Variants in HPSE2 observed in about 807,000 individuals in gnomAD.
The protein encoded by HPSE2 is heparanase 2 (inactive).
In HPSE2, 38 loss-of-function variants were observed where a neutral mutation model predicts 60.5. That is an observed-to-expected ratio of 0.63 (90% CI 0.48 to 0.82). HPSE2 has a LOEUF of 0.82. Ranked by LOEUF, HPSE2 falls within the 40% of genes least tolerant of loss-of-function variation. The pLI is 0.00. For missense variants in HPSE2, 713 were observed against 740.4 expected, an observed-to-expected ratio of 0.96 and a Z score of 0.43; for synonymous variants, 295 against 293.2, an observed-to-expected ratio of 1.01 and a Z score of -0.06.
At chr10:99,168,604 T>C (rs1847178606) in intron 2 of HPSE2, among the ~76,000 whole-genome samples, 1 of 152,218 alleles carries the variant, frequency 6.6e-6, no homozygotes, top group South Asian at 2.1e-4. Context: ...TCTGGTAGGC[T>C]ATCTTTCTTA....
At chr10:99,264,754 AG>A in the HPSE2 span, among the ~76,000 whole-genome samples, 1 of 152,284 alleles carries the variant, frequency 6.6e-6, no homozygotes, top group South Asian at 2.1e-4. Flanking sequence ...AACTGCCTCC[AG>A]GTCATCACCA....
Position 98,459,300 on chromosome 10 carries a change from C to A in HPSE2, c.*274G>T, listed in dbSNP as rs1306418510. ...GTGCTGTCAGCTCGTTTTCATAGTG[C>A]ACATGAAGGGAAACATTCTGCTCTA... On this transcript the variant is annotated 3_prime_UTR_variant, in exon 12 of 12. Coordinates refer to ENST00000370552, the MANE Select transcript of HPSE2 (RefSeq NM_021828.5). 4.3e-6 allele frequency: 2 copies of A among 467,618 alleles called. No homozygotes were observed. Among genetic ancestry groups the A allele is most frequent in the Non-Finnish European group, 7.9e-6 (2 of 253,260 alleles). The allele number at this position is 467,618 out of a possible 1,614,324, so 29.0% of individuals were successfully genotyped here.
At chr10:98,550,437 G>T (rs1022214678) in intron 9 of HPSE2, among the ~76,000 whole-genome samples, 43 of 151,834 alleles carry the variant, frequency 2.8e-4, no homozygotes, top group Non-Finnish European at 1.2e-4. Context: ...GGGACTACAG[G>T]TGCAGGCCAC....
chr10:98,586,489 T>C (rs1944944561), intron 9 of HPSE2, among the ~76,000 whole-genome samples: 1 of 152,230 alleles, frequency 6.6e-6, no homozygotes, highest in South Asian at 2.1e-4. Context: ...AATTTAAGCA[T>C]ATAAATGGGA....
the HPSE2 span, among the ~76,000 whole-genome samples, chr10:99,287,934 A>T: frequency 9.5e-3 from 1,452 of 152,312 alleles, 10 homozygotes; most frequent in East Asian, 0.029. Context: ...GTTGTGGAAC[A>T]CTAGTCATTG....
intron 9 of HPSE2, among the ~76,000 whole-genome samples, chr10:98,555,374 C>T (rs1480309654): frequency 6.6e-6 from 1 of 152,198 alleles, no homozygotes; most frequent in Non-Finnish European, 1.5e-5. Context: ...CTCCGCTTTC[C>T]TGCAGAGCCC....
At chr10:99,145,225 G>C (rs1246419292) in intron 2 of HPSE2, among the ~76,000 whole-genome samples, 2 of 152,184 alleles carry the variant, frequency 1.3e-5, no homozygotes, top group South Asian at 4.1e-4. Context: ...GGGAGGCCAA[G>C]GCGGGCAGAT....
rs752865311 is a variant in HPSE2, at chr10:98,933,960, C to CTG, written c.611-189906_611-189905dup. ...TGTTAGCCAGGATGGTCTCAATCTC[C>CTG]TGACCTTGTGATCTGCCCACCTCGG... On this transcript the variant is annotated intron_variant, in intron 3 of 11. Transcript: ENST00000370552. Among the ~76,000 whole-genome samples the CTG allele has an allele frequency of 9.1e-5, 13 of 143,146 alleles. 1 individual carries two copies. The highest frequency in any genetic ancestry group is 1.9e-4 in the Non-Finnish European group (13 of 67,004). 93.9% of individuals were successfully genotyped at this position (143,146 alleles called of 152,430 possible).
At chr10:99,144,015 T>C (rs558153997) in intron 3 of HPSE2, among the ~76,000 whole-genome samples, 3 of 152,364 alleles carry the variant, frequency 2.0e-5, no homozygotes, top group South Asian at 2.1e-4. Context: ...AAGGCTTCAA[T>C]AGGTTTTCAT....
In HPSE2 at chr10:99,004,799, C is replaced by G. The variant is rs1238487573; in HGVS notation, c.610+139439G>C. 2.0e-5 allele frequency among the ~76,000 whole-genome samples: 3 copies of G among 152,262 alleles called. No homozygotes were observed. The East Asian group carries it at 5.8e-4, about 29-fold the overall frequency. On this transcript the variant is annotated intron_variant, in intron 3 of 11. Transcript: ENST00000370552. ...TGTGCTTTCCTTTCAACTTGAAGAA[C>G]TACCTTTAGTATGTTGTATAAGACG... is the stretch of plus-strand genomic sequence containing the variant.
chr10:98,808,710 T>C (rs1951098802), intron 3 of HPSE2, among the ~76,000 whole-genome samples: 1 of 152,140 alleles, frequency 6.6e-6, no homozygotes, highest in South Asian at 2.1e-4. Flanking sequence ...CTGAGCGCAA[T>C]CTGGGCTTTC....
chr10:98,956,299 T>C (rs986027364), intron 3 of HPSE2, among the ~76,000 whole-genome samples: 1 of 151,940 alleles, frequency 6.6e-6, no homozygotes, highest in African/African-American at 2.4e-5. Flanking sequence ...AAACAAGCCA[T>C]GAAGAAGACA....
intron 9 of HPSE2, among the ~76,000 whole-genome samples, chr10:98,566,069 A>G (rs939150909): frequency 6.6e-6 from 1 of 152,184 alleles, no homozygotes; most frequent in African/African-American, 2.4e-5. Flanking sequence ...CAGACTGGCT[A>G]TCCCTACAAT....
Position 99,176,932 on chromosome 10 carries a change from AC to A in HPSE2, c.449-32534del, listed in dbSNP as rs545003181. On this transcript the variant is annotated intron_variant, in intron 2 of 11. Coordinates refer to ENST00000370552, the MANE Select transcript of HPSE2 (RefSeq NM_021828.5). ...ACTAACAGGGTATCTCTCTGCAGAA[AC>A]CCTACAAGTCAGAAGAAAGTGGGGA... is the stretch of plus-strand genomic sequence containing the variant. 4.5e-3 allele frequency among the ~76,000 whole-genome samples: 687 copies of A among 152,246 alleles called. 4 individuals carry two copies. Among genetic ancestry groups the A allele is most frequent in the African/African-American group, 0.016 (666 of 41,552 alleles).
At position 98,940,452 on chromosome 10, in the gene HPSE2, C is replaced by T. The variant is rs549207922; in HGVS notation, c.611-196396G>A. Among the ~76,000 whole-genome samples the T allele has an allele frequency of 4.2e-5, 6 of 143,920 alleles. No homozygotes were observed. The South Asian group carries it at 1.3e-3, about 31-fold the overall frequency. The allele number at this position is 143,920 out of a possible 152,430, so 94.4% of individuals were successfully genotyped here. On this transcript the variant is annotated intron_variant, in intron 3 of 11. Transcript: ENST00000370552. ...AACTACCATCAGAGAATACTACAAA[C>T]ACCTCTACGCAAATAAACTAGAAAA...
intron 9 of HPSE2, among the ~76,000 whole-genome samples, chr10:98,493,771 AG>A (rs1941738433): frequency 6.6e-6 from 1 of 152,054 alleles, no homozygotes; most frequent in Admixed American, 6.6e-5. Flanking sequence ...TTGACTGGAG[AG>A]TTTAATCAAT....
intron 3 of HPSE2, among the ~76,000 whole-genome samples, chr10:99,056,464 T>C (rs907571081): frequency 7.2e-5 from 11 of 152,104 alleles, no homozygotes; most frequent in African/African-American, 2.7e-4. Context: ...TGCTTAAGCC[T>C]GATGCAAAAA....
chr10:98,540,790 G>A (rs542372575), intron 9 of HPSE2, among the ~76,000 whole-genome samples: 4 of 152,090 alleles, frequency 2.6e-5, no homozygotes, highest in Non-Finnish European at 5.9e-5. Context: ...AACCAGTCAG[G>A]AAACAGCAAA....
intron 3 of HPSE2, among the ~76,000 whole-genome samples, chr10:98,912,489 A>G (rs1312819077): frequency 6.6e-6 from 1 of 152,150 alleles, no homozygotes; most frequent in Non-Finnish European, 1.5e-5. Context: ...AGCTATCTGC[A>G]CTCCCATGCC....
Sources: gnomAD v4.1 joint callset for allele counts (sites outside exome capture counted in the v4.1 genomes callset) on GRCh38, gnomAD v4.1.1 for gene constraint, MANE v1.5 for transcripts, NCBI Gene and HGNC (gene_info 2026-07-23, HGNC 2026-07-21) for gene names.